The following LONP1 variants were observed in gnomAD, a reference collection of about 807,000 sequenced individuals.
LONP1 encodes lon protease homolog, mitochondrial.
A neutral mutation model predicts 98.5 loss-of-function variants in LONP1; 31 were observed. The ratio of observed to expected loss-of-function variants is 0.31; its 90% confidence interval spans 0.24 to 0.42. The LOEUF is 0.42. Among genes scored for constraint, LONP1 ranks in the 20% least tolerant of loss-of-function variants. The pLI is 1.00. For synonymous variants in LONP1, 781 were observed against 594.7 expected (o/e 1.31, Z -4.56); for missense variants, 1,336 against 1,350.6 (o/e 0.99, Z 0.17).
At chr19:5,712,799 T>G (rs1292773298) in intron 3 of LONP1, among the ~76,000 whole-genome samples, 1 of 151,816 alleles carries the variant, frequency 6.6e-6, no homozygotes, top group Non-Finnish European at 1.5e-5. Context: ...CCAGCTAATT[T>G]TTCTACATTT....
At position 5,694,824 on chromosome 19, in the gene LONP1, C is replaced by T. The variant is rs780971082; in HGVS notation, c.2091G>A (p.Thr697=). 37 of 1,602,046 alleles carry T rather than the reference C, an allele frequency of 2.3e-5. No individual in the cohort carries two copies. The highest frequency in any genetic ancestry group is 3.3e-5 in the Admixed American group (2 of 59,812). ...CGCGGCAGTACTGCTTGATGAGCAG[C>T]GTCAGCACGTCCGATGACAGCTTGG... The part of the protein sequence containing the change: ...SKAKLSSDVL[T]LLIKQYCRES... The change falls in exon 14 of 18, where the codon ACG becomes ACA. Residue 697 remains threonine (T), a synonymous_variant. Transcript: ENST00000360614.
rs544380723 is a variant in LONP1, at chr19:5,707,760, G to A, written c.999C>T (p.Asp333=). 27 of 1,613,330 alleles carry A rather than the reference G, an allele frequency of 1.7e-5. No individual in the cohort carries two copies. In the East Asian group the frequency reaches 4.9e-4, roughly 29 times the overall value. ...RVVDNPIYLS[D]MGAALTGAES... is the part of the protein sequence containing the mutation. ...CGGCCCCGGTGAGCGCGGCGCCCAT[G>A]TCGCTCAGGTAGATGGGGTTGTCCA... The change falls in exon 6 of 18, where the codon GAC becomes GAT. Residue 333 remains aspartate, a synonymous_variant. Transcript: ENST00000360614.
chr19:5,709,155 C>T (rs1038411992), intron 4 of LONP1, among the ~76,000 whole-genome samples: 2 of 151,154 alleles, frequency 1.3e-5, no homozygotes, highest in East Asian at 2.0e-4. Context: ...GCTGGGACCA[C>T]GGGCATAAGC....
chr19:5,716,919 G>A (rs892660429), intron 1 of LONP1, among the ~76,000 whole-genome samples: 18 of 151,920 alleles, frequency 1.2e-4, no homozygotes, highest in Admixed American at 2.0e-4. Flanking sequence ...TCAGCCTCCC[G>A]AGTAGCTGGG....
intron 1 of LONP1, among the ~76,000 whole-genome samples, chr19:5,717,958 C>A (rs890948452): frequency 1.3e-5 from 2 of 149,600 alleles, no homozygotes; most frequent in Non-Finnish European, 3.0e-5. Context: ...TATGCTCCTG[C>A]CTCAGCCTCC....
In LONP1 at chr19:5,693,780, T is replaced by C. The variant is rs777115270; in HGVS notation, c.2321-11A>G. On this transcript the variant is annotated splice_polypyrimidine_tract_variant and intron_variant, in intron 15 of 17. Coordinates refer to ENST00000360614, the MANE Select transcript of LONP1 (RefSeq NM_004793.4). Reference sequence around the variant, plus strand: ...ACAGCGTGGAGCCTCCTGAAACAGGTGTGGAGCTGTGAACACGGGAGGCCT... The same window carrying C: ...ACAGCGTGGAGCCTCCTGAAACAGGCGTGGAGCTGTGAACACGGGAGGCCT... 2 of 1,611,118 alleles carry C rather than the reference T, an allele frequency of 1.2e-6. No individual in the cohort carries two copies. Among genetic ancestry groups the C allele is most frequent in the Admixed American group, 1.7e-5 (1 of 59,894 alleles).
At position 5,694,803 on chromosome 19, in the gene LONP1, G is replaced by A. The variant is rs912344215; in HGVS notation, c.2112C>T (p.Cys704=). 1 of 1,599,676 alleles carries A rather than the reference G, an allele frequency of 6.3e-7. No individual in the cohort carries two copies. Among genetic ancestry groups the A allele is most frequent in the Non-Finnish European group, 8.6e-7 (1 of 1,169,026 alleles). ...GCAGGTTGCGGACACCGCTCTCGCG[G>A]CAGTACTGCTTGATGAGCAGCGTCA... ...DVLTLLIKQY[C]RESGVRNLQK... Residue 704 remains cysteine (C), a synonymous_variant, in exon 14 of 18, where the codon TGC becomes TGT. Transcript: ENST00000360614.
chr19:5,720,112 G>A lies in LONP1; in HGVS notation c.21C>T (p.Tyr7=), dbSNP rs1857410199. The A allele has an allele frequency of 4.8e-6, 7 of 1,446,996 alleles. No individual in the cohort carries two copies. The highest frequency in any genetic ancestry group is 2.7e-5 in the East Asian group (1 of 36,430). The allele number at this position is 1,446,996 out of a possible 1,614,324, so 89.6% of individuals were successfully genotyped here. A position where few individuals can be genotyped will look rare whatever the true frequency, so the allele number is the denominator to read the frequency against. MAASTG[Y]VRLWGAARCW... is the part of the protein sequence containing the mutation. ...ACCGCGCCGCTCCCCACAGTCGCAC[G>A]TAGCCAGTGCTCGCCGCCATAGCCC... Residue 7 remains tyrosine (Y), a synonymous_variant, in exon 1 of 18, where the codon TAC becomes TAT. Coordinates refer to ENST00000360614, the MANE Select transcript of LONP1 (RefSeq NM_004793.4).
In LONP1 at chr19:5,696,356, G is replaced by A. The variant is rs868067577; in HGVS notation, c.1789C>T (p.Arg597Ter). The A allele has an allele frequency of 6.2e-7, 1 of 1,612,884 alleles. No individual in the cohort carries two copies. Among genetic ancestry groups the A allele is most frequent in the Non-Finnish European group, 8.5e-7 (1 of 1,179,818 alleles). ...ILIDEVDKIG[R>*]GYQGDPSSAL... ...GACGACGGGTCCCCCTGGTAGCCTC[G>A]GCCGATCTTGTCCACCTGGGGCAGC... is the stretch of plus-strand genomic sequence containing the variant. The change falls in exon 12 of 18, where the codon CGA becomes TGA. Residue 597 changes from arginine to a stop codon, truncating the protein, a stop_gained. Coordinates refer to ENST00000360614, the MANE Select transcript of LONP1 (RefSeq NM_004793.4). LOFTEE classifies it high-confidence loss of function.
At chr19:5,707,219 T>C in intron 6 of LONP1, 76 bp from the exon 7 acceptor site, 1 of 1,203,440 alleles carries the variant, frequency 8.3e-7, no homozygotes, top group Non-Finnish European at 1.2e-6. Context: ...TGGGGGAAAA[T>C]GCGCACCCTG....
intron 9 of LONP1, among the ~76,000 whole-genome samples, chr19:5,700,107 TA>T (rs986642976): frequency 1.3e-5 from 2 of 151,756 alleles, no homozygotes; most frequent in Non-Finnish European, 2.9e-5. Context: ...CCAGGCTAAT[TA>T]AAAAAAATTT....
chr19:5,692,069 G>A lies in LONP1; in HGVS notation c.2843C>T (p.Pro948Leu), dbSNP rs781191991. 8.7e-6 allele frequency: 14 copies of A among 1,610,252 alleles called. No individual in the cohort carries two copies. The highest frequency in any genetic ancestry group is 2.2e-5 in the East Asian group (1 of 44,802). Residue 948 changes from proline to leucine, a missense_variant, in exon 18 of 18, where the codon CCG becomes CTG. Physicochemically the swap from Pro to Leu is moderately conservative, Grantham distance 98. Around this residue, in one of 5 missense-constraint regions of LONP1, gnomAD observed 555 missense variants for 542.6 expected, o/e 1.02. Transcript: ENST00000360614. ...GGCCAGCGCCTCTGCCTGCTCGTCCGGGAAGGCGATGTCGAAGATCTCCCG... is the reference window on the plus strand; with the variant it reads ...GGCCAGCGCCTCTGCCTGCTCGTCCAGGAAGGCGATGTCGAAGATCTCCCG... ...HYREIFDIAFPDEQAEALAVE... is the reference protein window; with the variant it reads ...HYREIFDIAFLDEQAEALAVE...
At chr19:5,706,223 A>G (rs1599467458) in intron 7 of LONP1, among the ~76,000 whole-genome samples, 1 of 151,726 alleles carries the variant, frequency 6.6e-6, no homozygotes, top group Non-Finnish European at 1.5e-5. Flanking sequence ...CGTAGCCTCC[A>G]CCTCCTGGGC....
chr19:5,708,470 G>A, intron 4 of LONP1, 67 bp from the exon 5 acceptor site: 1 of 974,116 alleles, frequency 1.0e-6, no homozygotes, highest in Non-Finnish European at 1.5e-6. Flanking sequence ...CTGGGTGGGA[G>A]CATGGCCCTG....
chr19:5,716,119 C>T (rs1022775408), intron 1 of LONP1, among the ~76,000 whole-genome samples: 1 of 151,348 alleles, frequency 6.6e-6, no homozygotes, highest in Non-Finnish European at 1.5e-5. Context: ...TGCCTGTAAT[C>T]CCAGCACTTT....
chr19:5,700,692 C>T, intron 9 of LONP1, 97 bp downstream of exon 9: 1 of 1,521,188 alleles, frequency 6.6e-7, no homozygotes, highest in Non-Finnish European at 8.9e-7. Flanking sequence ...TACGAATTCA[C>T]CAGGGGGCTC....
chr19:5,696,465 A>C (rs750589988), intron 11 of LONP1, 94 bp from the exon 12 acceptor site: 2 of 1,509,492 alleles, frequency 1.3e-6, no homozygotes, highest in Non-Finnish European at 1.8e-6. Context: ...GGAGACCCCG[A>C]GTGAGAGCGG....
rs770862550 is a variant in LONP1, at chr19:5,696,219, G to A, written c.1896+30C>T. 3 of 1,612,630 alleles carry A rather than the reference G, an allele frequency of 1.9e-6. No homozygotes were observed. The African/African-American group carries it at 4.0e-5, about 22-fold the overall frequency. On this transcript the variant is annotated intron_variant, in intron 12 of 17. Coordinates refer to ENST00000360614, the MANE Select transcript of LONP1 (RefSeq NM_004793.4). Reference sequence around the variant, plus strand: ...GGGGACTGGCCGCTTACCCTCCCCAGCAAGCCCAGGCCCCAGACAGGCCCC... The same window carrying A: ...GGGGACTGGCCGCTTACCCTCCCCAACAAGCCCAGGCCCCAGACAGGCCCC...
At chr19:5,696,996 C>T (rs2054943613) in intron 10 of LONP1, among the ~76,000 whole-genome samples, 1 of 152,234 alleles carries the variant, frequency 6.6e-6, no homozygotes, top group Non-Finnish European at 1.5e-5. Context: ...AGATCTCCCT[C>T]AGTCCCATCC....
Sources: allele counts gnomAD v4.1 joint callset (sites outside exome capture counted in the v4.1 genomes callset), GRCh38; gene constraint gnomAD v4.1.1; regional missense constraint gnomAD v4.1.1; transcripts MANE v1.5; gene names NCBI Gene and HGNC (gene_info 2026-07-23, HGNC 2026-07-21).